TBX10: variants seen among roughly 807,000 people sequenced by gnomAD.
TBX10 encodes T-box transcription factor TBX10.
A neutral mutation model predicts 32.4 loss-of-function variants in TBX10; 26 were observed. The observed-to-expected ratio is 0.80, with a 90% confidence interval of 0.59 to 1.11. The LOEUF is 1.11. Among genes scored for constraint, TBX10 ranks in the 50% most tolerant of loss-of-function variants. The pLI is 0.00. For missense variants in TBX10, 490 were observed against 494.5 expected, an observed-to-expected ratio of 0.99 and a Z score of 0.09; for synonymous variants, 195 against 203.1, an observed-to-expected ratio of 0.96 and a Z score of 0.34.
At position 67,631,951 on chromosome 11, in the gene TBX10, C is replaced by T. The variant is rs547865547; in HGVS notation, c.869-57G>A. 6.5e-6 allele frequency: 10 copies of T among 1,550,262 alleles called. No individual in the cohort carries two copies. In the South Asian group the frequency reaches 9.5e-5, roughly 15 times the overall value. ...CCCATCGCATCCTCATCCCTCATCC[C>T]AGGCCTGCCCTGGTCCCTTCCTGCT... On this transcript the variant is annotated intron_variant, in intron 7 of 7. Transcript: ENST00000335385.
In TBX10 at chr11:67,633,092, G is replaced by A. The variant is rs140246160; in HGVS notation, c.561C>T (p.Asn187=). The change falls in exon 5 of 8, where the codon AAC becomes AAT. Residue 187 remains asparagine (N), a synonymous_variant. Coordinates refer to ENST00000335385, the MANE Select transcript of TBX10 (RefSeq NM_005995.5). ...AACGGGGCTGGTAGCGGTGCATAGA[G>A]TTGAGAATGATCTGTGGAAGGGACA... ...LLDDNGHIIL[N]SMHRYQPRFH... 9.5e-4 allele frequency: 1,534 copies of A among 1,614,016 alleles called. No homozygotes were observed. The highest frequency in any genetic ancestry group is 1.2e-3 in the Non-Finnish European group (1,435 of 1,179,904).
chr11:67,636,611 C>T (rs964381478), intron 1 of TBX10, among the ~76,000 whole-genome samples: 3 of 152,078 alleles, frequency 2.0e-5, no homozygotes, highest in Admixed American at 2.0e-4. Flanking sequence ...GATTCTCCTG[C>T]CTCAGCCTCC....
chr11:67,633,497 C>G (rs549580182), intron 4 of TBX10, among the ~76,000 whole-genome samples: 1 of 152,202 alleles, frequency 6.6e-6, no homozygotes, highest in Non-Finnish European at 1.5e-5. Flanking sequence ...ACTTCCACCC[C>G]ACACGGTAAA....
Position 67,632,621 on chromosome 11 carries a change from T to C in TBX10, c.755A>G (p.Glu252Gly), listed in dbSNP as rs1374616166. Residue 252 changes from glutamate (E) to glycine (G), a missense_variant, in exon 6 of 8, where the codon GAG becomes GGG. Glu to Gly is a moderately conservative substitution (Grantham distance 98, BLOSUM62 -2). This residue lies in a region of TBX10 where 177 missense variants were observed against 176.6 expected (regional missense o/e 1.00). Coordinates refer to ENST00000335385, the MANE Select transcript of TBX10 (RefSeq NM_005995.5). ...ASNPFAKGFRESDLDSWPVAP... is the reference protein window; with the variant it reads ...ASNPFAKGFRGSDLDSWPVAP... ...ACAGTACCAGGAGTCCAGGTCACTC[T>C]CTCTAAAGCCTTTGGCAAAAGGGTT... 21 of 1,613,904 alleles carry C rather than the reference T, an allele frequency of 1.3e-5. No homozygotes were observed. Among genetic ancestry groups the C allele is most frequent in the Non-Finnish European group, 1.7e-5 (20 of 1,180,014 alleles).
chr11:67,640,838 G>A (rs958641000), upstream of TBX10, among the ~76,000 whole-genome samples: 1 of 152,202 alleles, frequency 6.6e-6, no homozygotes, highest in Non-Finnish European at 1.5e-5. Context: ...CGCAGCTGCA[G>A]CTCAGGGATG....
chr11:67,635,438 A>G (rs1855314859), intron 1 of TBX10, among the ~76,000 whole-genome samples, 175 bp from the exon 2 acceptor site: 1 of 152,050 alleles, frequency 6.6e-6, no homozygotes, highest in Non-Finnish European at 1.5e-5. Flanking sequence ...CTTAAAGTTT[A>G]TTTTGCCAGC....
At chr11:67,641,404 C>T (rs938785896), upstream of TBX10, among the ~76,000 whole-genome samples, 3 of 152,204 alleles carry the variant, frequency 2.0e-5, no homozygotes, top group Admixed American at 2.0e-4. Flanking sequence ...CATGGACTTA[C>T]CACACAGCAC....
At chr11:67,632,221 T>G in intron 7 of TBX10, 97 bp downstream of exon 7, 43 of 1,404,586 alleles carry the variant, frequency 3.1e-5, no homozygotes, top group Non-Finnish European at 3.9e-5. Context: ...GTGGGTTCGC[T>G]GAGCTGCTGA....
At position 67,634,203 on chromosome 11, in the gene TBX10, C is replaced by T. The variant is rs751557584; in HGVS notation, c.535G>A (p.Asp179Asn). The change falls in exon 4 of 8, where the codon GAT becomes AAT. Residue 179 changes from aspartate to asparagine, a missense_variant. Physicochemically the swap from Asp to Asn is conservative, Grantham distance 23. Transcript: ENST00000335385. ...DKLKLTNNLL[D>N]DNGHIILNSM... Reference sequence around the variant, plus strand: ...CCCGGCCTCACGTGGCCATTGTCATCCAGCAGGTTGTTGGTCAGCTTGAGC... The same window carrying T: ...CCCGGCCTCACGTGGCCATTGTCATTCAGCAGGTTGTTGGTCAGCTTGAGC... 2 of 1,613,132 alleles carry T rather than the reference C, an allele frequency of 1.2e-6. No individual in the cohort carries two copies. The highest frequency in any genetic ancestry group is 1.7e-6 in the Non-Finnish European group (2 of 1,179,978).
intron 1 of TBX10, among the ~76,000 whole-genome samples, chr11:67,637,979 G>A (rs773930245): frequency 5.9e-5 from 9 of 152,114 alleles, no homozygotes; most frequent in South Asian, 2.1e-4. Context: ...AGGCCGAGGC[G>A]GGTAGGTCAC....
chr11:67,632,718 G>A, intron 5 of TBX10, 48 bp from the exon 6 acceptor site: 1 of 1,609,798 alleles, frequency 6.2e-7, no homozygotes, highest in East Asian at 2.2e-5. Flanking sequence ...GCCAGGCTCA[G>A]CCACCTTGTC....
intron 1 of TBX10, among the ~76,000 whole-genome samples, chr11:67,638,334 T>C (rs968035257): frequency 6.6e-6 from 1 of 152,212 alleles, no homozygotes; most frequent in Non-Finnish European, 1.5e-5. Flanking sequence ...AACAGAACTA[T>C]TATTTTATAG....
chr11:67,636,703 G>T (rs776190741), intron 1 of TBX10, among the ~76,000 whole-genome samples: 71 of 151,834 alleles, frequency 4.7e-4, no homozygotes, highest in Non-Finnish European at 4.1e-4. Context: ...TCACCATGTT[G>T]TCTAGGCTTG....
chr11:67,631,426 C>T lies in TBX10; in HGVS notation c.*179G>A. The stretch of plus-strand genomic sequence containing the variant: ...GGTTGGGAGATAGAAGTCCTGGTTC[C>T]AAGCTTGCCATGGTCCCAGCCTTGC... On this transcript the variant is annotated 3_prime_UTR_variant, in exon 8 of 8. Coordinates refer to ENST00000335385, the MANE Select transcript of TBX10 (RefSeq NM_005995.5). 1.3e-6 allele frequency: 1 copy of T among 773,462 alleles called. No individual in the cohort carries two copies. The highest frequency in any genetic ancestry group is 2.0e-6 in the Non-Finnish European group (1 of 492,730). The allele number at this position is 773,462 out of a possible 1,614,324, so 47.9% of individuals were successfully genotyped here. A position where few individuals can be genotyped will look rare whatever the true frequency, so the allele number is the denominator to read the frequency against.
intron 2 of TBX10, 25 bp from the exon 3 acceptor site, chr11:67,634,942 C>T: frequency 6.2e-7 from 1 of 1,613,136 alleles, no homozygotes; most frequent in Non-Finnish European, 8.5e-7. Context: ...TGCTCAGCAG[C>T]CGGATGCGGC....
intron 1 of TBX10, 45 bp from the exon 2 acceptor site, chr11:67,635,308 C>A: frequency 6.2e-7 from 1 of 1,611,300 alleles, no homozygotes. Context: ...ATCACCCAGC[C>A]AGCTCTTATC....
Position 67,639,693 on chromosome 11 carries a change from G to A in TBX10, c.-221C>T. Reference sequence around the variant, plus strand: ...GTCTTCCTACTCGAGCTGGACCCCTGGTCTCCGAAGGTGAGATGCAGGCTC... The same window carrying A: ...GTCTTCCTACTCGAGCTGGACCCCTAGTCTCCGAAGGTGAGATGCAGGCTC... On this transcript the variant is annotated 5_prime_UTR_variant, in exon 1 of 8. Coordinates refer to ENST00000335385, the MANE Select transcript of TBX10 (RefSeq NM_005995.5). The A allele has an allele frequency of 3.1e-6, 2 of 645,460 alleles. No homozygotes were observed. Among genetic ancestry groups the A allele is most frequent in the Non-Finnish European group, 5.6e-6 (2 of 358,954 alleles). 40.0% of individuals were successfully genotyped at this position (645,460 alleles called of 1,614,324 possible).
chr11:67,631,817 G>T lies in TBX10; in HGVS notation c.946C>A (p.Leu316Met), dbSNP rs1340689164. 1 of 1,587,712 alleles carries T rather than the reference G, an allele frequency of 6.3e-7. No individual in the cohort carries two copies. Among genetic ancestry groups the T allele is most frequent in the Non-Finnish European group, 8.6e-7 (1 of 1,167,450 alleles). Residue 316 changes from leucine to methionine, a missense_variant, in exon 8 of 8, where the codon CTG becomes ATG. Leu to Met is a conservative substitution (Grantham distance 15). Transcript: ENST00000335385. Reference sequence around the variant, plus strand: ...GGCCTGTAGGTGGCCGGGGCCAGCAGGACCTCAGGTGGGGGCAGCAGCTGA... The same window carrying T: ...GGCCTGTAGGTGGCCGGGGCCAGCATGACCTCAGGTGGGGGCAGCAGCTGA... The part of the protein sequence containing the change: ...HHQLLPPPEV[L>M]LAPATYRPVT...
chr11:67,634,949 C>T (rs764841770), intron 2 of TBX10, 32 bp from the exon 3 acceptor site: 3 of 1,613,136 alleles, frequency 1.9e-6, no homozygotes, highest in South Asian at 1.1e-5. Context: ...CAGCCGGATG[C>T]GGCTCCAACC....
Sources: gnomAD v4.1 joint callset for allele counts (sites outside exome capture counted in the v4.1 genomes callset) on GRCh38, gnomAD v4.1.1 for gene constraint, gnomAD v4.1.1 regional missense constraint, MANE v1.5 for transcripts, NCBI Gene and HGNC (gene_info 2026-07-23, HGNC 2026-07-21) for gene names.